Variants in CCDC73 observed in about 807,000 individuals in gnomAD.
The protein encoded by CCDC73 is coiled-coil domain containing 73.
A neutral mutation model predicts 116.5 loss-of-function variants in CCDC73; 95 were observed. The observed-to-expected ratio is 0.82, with a 90% CI of 0.69 to 0.97. The LOEUF is 0.97. Among genes scored for constraint, CCDC73 ranks in the 50% least tolerant of loss-of-function variants. The pLI, the probability that CCDC73 is intolerant of heterozygous loss-of-function variation, is 0.00. For missense variants in CCDC73, 1,066 were observed against 1,206.8 expected, an observed-to-expected ratio of 0.88 and a Z score of 1.73; for synonymous variants, 398 against 401.3, an observed-to-expected ratio of 0.99 and a Z score of 0.10.
chr11:32,696,412 T>A (rs996789294), intron 6 of CCDC73, among the ~76,000 whole-genome samples: 1 of 152,168 alleles, frequency 6.6e-6, no homozygotes, highest in African/African-American at 2.4e-5. Flanking sequence ...TTCTTTTTTT[T>A]AATTATGGTC....
intron 2 of CCDC73, among the ~76,000 whole-genome samples, chr11:32,731,938 G>C (rs1411427218): frequency 6.6e-6 from 1 of 152,182 alleles, no homozygotes; most frequent in East Asian, 1.9e-4. Flanking sequence ...AGAGAAGAAG[G>C]CTTCAGAAGA....
intron 6 of CCDC73, among the ~76,000 whole-genome samples, chr11:32,689,417 A>G (rs1471222549): frequency 6.6e-6 from 1 of 152,164 alleles, no homozygotes; most frequent in Non-Finnish European, 1.5e-5. Context: ...ATTAAAAAGG[A>G]AGATTTACAA....
intron 4 of CCDC73, 55 bp from the exon 5 acceptor site, chr11:32,700,881 T>C (rs1849805527): frequency 1.3e-6 from 1 of 781,702 alleles, no homozygotes; most frequent in South Asian, 2.2e-5. Flanking sequence ...CAGTGATCTA[T>C]ACTGGTCACT....
chr11:32,716,600 C>T (rs1425385604), intron 3 of CCDC73, among the ~76,000 whole-genome samples: 1 of 152,180 alleles, frequency 6.6e-6, no homozygotes, highest in Non-Finnish European at 1.5e-5. Context: ...CCTCGCTCTG[C>T]ACCCAGGCTG....
At chr11:32,644,999 C>T (rs115783945) in intron 12 of CCDC73, among the ~76,000 whole-genome samples, 133 of 152,248 alleles carry the variant, frequency 8.7e-4, no homozygotes, top group African/African-American at 3.1e-3. Context: ...ACATTGACCT[C>T]TGGGTTGAAC....
intron 9 of CCDC73, among the ~76,000 whole-genome samples, chr11:32,658,778 T>TA (rs916149495): frequency 2.0e-5 from 3 of 151,620 alleles, no homozygotes; most frequent in Admixed American, 2.0e-4. Flanking sequence ...TGAGACATTC[T>TA]AAAAAAAAAT....
Position 32,689,209 on chromosome 11 carries a change from T to C in CCDC73, c.391-5635A>G, listed in dbSNP as rs190376224. 2.0e-5 allele frequency among the ~76,000 whole-genome samples: 3 copies of C among 152,176 alleles called. No individual in the cohort carries two copies. The East Asian group carries it at 5.8e-4, about 29-fold the overall frequency. ...AGTACAAAAGGGTATAAAGTCCTAA[T>C]AATAATATATACTCCCTGCATGGTA... On this transcript the variant is annotated intron_variant, in intron 6 of 17. Transcript: ENST00000335185.
upstream of CCDC73, among the ~76,000 whole-genome samples, chr11:32,796,674 C>T (rs965076594): frequency 6.6e-6 from 1 of 151,890 alleles, no homozygotes; most frequent in East Asian, 1.9e-4. Flanking sequence ...CTTTAGGAGA[C>T]GATTGAGTCA....
chr11:32,795,954 T>A (rs910204457), upstream of CCDC73, among the ~76,000 whole-genome samples: 1 of 152,230 alleles, frequency 6.6e-6, no homozygotes, highest in African/African-American at 2.4e-5. Flanking sequence ...CCTCCCAAAG[T>A]ACTGGGATTA....
At chr11:32,822,864 G>A in the CCDC73 span, among the ~76,000 whole-genome samples, 1 of 152,070 alleles carries the variant, frequency 6.6e-6, no homozygotes, top group East Asian at 1.9e-4. Context: ...ATAAAAATTG[G>A]TACCATCTTA....
At chr11:32,672,381 A>G (rs1856047814) in intron 9 of CCDC73, among the ~76,000 whole-genome samples, 1 of 152,174 alleles carries the variant, frequency 6.6e-6, no homozygotes, top group Admixed American at 6.5e-5. Flanking sequence ...GTTACAATGA[A>G]ACATCTGTTT....
At chr11:32,706,265 G>A (rs1266064855) in intron 3 of CCDC73, among the ~76,000 whole-genome samples, 1 of 152,184 alleles carries the variant, frequency 6.6e-6, no homozygotes, top group Non-Finnish European at 1.5e-5. Context: ...TTCTGAAGCT[G>A]TTGACTTCCA....
At chr11:32,697,841 A>C (rs1056507428) in intron 6 of CCDC73, among the ~76,000 whole-genome samples, 10 of 150,818 alleles carry the variant, frequency 6.6e-5, no homozygotes, top group Non-Finnish European at 1.2e-4. Context: ...GTACATATGC[A>C]GGTCTGTTAT....
At chr11:32,767,812 T>C (rs1473328977) in intron 1 of CCDC73, among the ~76,000 whole-genome samples, 1 of 152,086 alleles carries the variant, frequency 6.6e-6, no homozygotes, top group Non-Finnish European at 1.5e-5. Flanking sequence ...CATTAAAAAG[T>C]CAGGAAACAA....
intron 2 of CCDC73, among the ~76,000 whole-genome samples, chr11:32,759,249 C>T (rs1421046020): frequency 6.6e-6 from 1 of 151,630 alleles, no homozygotes; most frequent in Non-Finnish European, 1.5e-5. Flanking sequence ...AATTTAGACC[C>T]ATACAAGTCT....
At position 32,709,695 on chromosome 11, in the gene CCDC73, G is replaced by T. The variant is rs189441018; in HGVS notation, c.208-6751C>A. Among the ~76,000 whole-genome samples, 206 of 152,304 alleles carry T rather than the reference G, an allele frequency of 1.4e-3. 13 individuals are homozygous for T. Among genetic ancestry groups the T allele is most frequent in the Middle Eastern group, 3.4e-3 (1 of 294 alleles). ...GGTTGTTGTTATTATGTCCTTGCCT[G>T]GTTTTGGTATTAGGATGATACTGGC... On this transcript the variant is annotated intron_variant, in intron 3 of 17. Transcript: ENST00000335185.
chr11:32,655,010 C>T (rs773380621), intron 9 of CCDC73, 38 bp from the exon 10 acceptor site: 15 of 1,211,360 alleles, frequency 1.2e-5, no homozygotes, highest in Non-Finnish European at 8.4e-6. Context: ...ATTCAGTACA[C>T]ATATTTCACT....
chr11:32,709,766 A>G (rs943257107), intron 3 of CCDC73, among the ~76,000 whole-genome samples: 1 of 152,192 alleles, frequency 6.6e-6, no homozygotes, highest in African/African-American at 2.4e-5. Flanking sequence ...CTTTTGAAAT[A>G]GTGTCAGCAG....
At chr11:32,737,700 G>C (rs1345189137) in intron 2 of CCDC73, among the ~76,000 whole-genome samples, 2 of 151,304 alleles carry the variant, frequency 1.3e-5, no homozygotes, top group Non-Finnish European at 2.9e-5. Flanking sequence ...AAATAATCCA[G>C]TTAATACTCT....
Sources: allele counts gnomAD v4.1 joint callset (sites outside exome capture counted in the v4.1 genomes callset), GRCh38; gene constraint gnomAD v4.1.1; transcripts MANE v1.5; gene names NCBI Gene and HGNC (gene_info 2026-07-23, HGNC 2026-07-21).